LRBA: variants seen among roughly 807,000 people sequenced by gnomAD.
LRBA encodes LPS responsive beige-like anchor protein, also known as lipopolysaccharide-responsive and beige-like anchor protein.
LRBA carries 176 observed loss-of-function variants against 330.0 expected under a neutral mutation model. That is an observed-to-expected ratio of 0.53 (90% CI 0.47 to 0.60). The LOEUF (loss-of-function observed/expected upper bound fraction) is 0.60, where lower values mean the gene tolerates loss of function less well. Ranked by LOEUF, LRBA falls within the 20% of genes least tolerant of loss-of-function variation. LRBA has a pLI of 0.00. For missense variants in LRBA, 3,259 were observed against 3,444.8 expected (o/e 0.95, Z 1.35); for synonymous variants, 1,230 against 1,193.0 (o/e 1.03, Z -0.64).
chr4:150,715,027 C>T (rs1786600941), intron 36 of LRBA, among the ~76,000 whole-genome samples: 1 of 152,152 alleles, frequency 6.6e-6, no homozygotes, highest in African/African-American at 2.4e-5. Flanking sequence ...TTTAGACAAA[C>T]AGTCTCATTT....
intron 37 of LRBA, among the ~76,000 whole-genome samples, chr4:150,602,004 A>T (rs1267248018): frequency 7.0e-6 from 1 of 142,004 alleles, no homozygotes; most frequent in Non-Finnish European, 1.5e-5. Flanking sequence ...TCTATCAATA[A>T]TTTTTTTAAA....
At chr4:151,007,168 G>C (rs866398081) in intron 2 of LRBA, among the ~76,000 whole-genome samples, 1 of 152,200 alleles carries the variant, frequency 6.6e-6, no homozygotes, top group Non-Finnish European at 1.5e-5. Flanking sequence ...TTTGACAAAA[G>C]TGCCAAGGTA....
rs147953109 is a variant in LRBA at position 151,010,683 on chromosome 4, A to C, written c.216+3744T>G. 6.6e-3 allele frequency among the ~76,000 whole-genome samples: 998 copies of C among 152,092 alleles called. 42 individuals are homozygous for C. Among genetic ancestry groups the C allele is most frequent in the Admixed American group, 0.06 (909 of 15,246 alleles). ...GATCACCTGAGGTCGGGAGTTCAAG[A>C]CCAGCCTGGCCAACATGGTGAAACC... On this transcript the variant is annotated intron_variant, in intron 2 of 56. Transcript: ENST00000651943.
Position 150,269,996 on chromosome 4 carries a change from G to C in LRBA, c.8469-4184C>G, listed in dbSNP as rs753719423. Among the ~76,000 whole-genome samples the C allele has an allele frequency of 2.0e-5, 3 of 152,208 alleles. 1 individual carries two copies. The highest frequency in any genetic ancestry group is 7.2e-5 in the African/African-American group (3 of 41,446). On this transcript the variant is annotated intron_variant, in intron 56 of 56. Coordinates refer to ENST00000651943, the MANE Select transcript of LRBA (RefSeq NM_001364905.1). ...TGAGCATCTAAGGATATTAGGAAGA[G>C]AGTGAAAAGACAACATCACTGATCA...
At chr4:150,722,275 G>A (rs1729039815) in intron 36 of LRBA, among the ~76,000 whole-genome samples, 1 of 152,100 alleles carries the variant, frequency 6.6e-6, no homozygotes. Context: ...CTTAAACATG[G>A]AAGAACTTTA....
intron 47 of LRBA, among the ~76,000 whole-genome samples, chr4:150,405,831 G>C (rs1746120277): frequency 6.6e-6 from 1 of 152,114 alleles, no homozygotes; most frequent in Non-Finnish European, 1.5e-5. Context: ...AAGATAAGAG[G>C]ATTGCTTGAG....
At position 150,349,980 on chromosome 4, in the gene LRBA, C is replaced by G. The variant is rs117525443; in HGVS notation, c.7362+12G>C. On this transcript the variant is annotated intron_variant, in intron 48 of 56. Coordinates refer to ENST00000651943, the MANE Select transcript of LRBA (RefSeq NM_001364905.1). Reference sequence around the variant, plus strand: ...CTGACTATAAGTTGCTTTCTCAATTCAGATAACTTACCTCTCTCAACACAG... The same window carrying G: ...CTGACTATAAGTTGCTTTCTCAATTGAGATAACTTACCTCTCTCAACACAG... The G allele has an allele frequency of 1.7e-5, 28 of 1,612,240 alleles. No individual in the cohort carries two copies. The East Asian group carries it at 6.3e-4, about 36-fold the overall frequency.
intron 40 of LRBA, among the ~76,000 whole-genome samples, chr4:150,571,651 T>TTA (rs1246933407): frequency 8.9e-6 from 1 of 112,766 alleles, no homozygotes; most frequent in Admixed American, 8.1e-5. Context: ...GGTTAGTTGT[T>TTA]TTTTTTTTTT....
chr4:150,348,743 G>A (rs1043120634), intron 48 of LRBA, among the ~76,000 whole-genome samples: 5 of 152,046 alleles, frequency 3.3e-5, no homozygotes, highest in Non-Finnish European at 5.9e-5. Flanking sequence ...AAAGTATTAC[G>A]TTCAAATATT....
intron 17 of LRBA, among the ~76,000 whole-genome samples, chr4:150,877,541 G>A (rs1427566443): frequency 1.3e-5 from 2 of 152,142 alleles, no homozygotes; most frequent in South Asian, 2.1e-4. Context: ...CAACGACTAC[G>A]AGACGTAGGA....
In LRBA at chr4:150,811,448, T is replaced by C. The variant is rs571111249; in HGVS notation, c.5306-3050A>G. 5.3e-5 allele frequency among the ~76,000 whole-genome samples: 8 copies of C among 150,000 alleles called. No homozygotes were observed. In the East Asian group the frequency reaches 1.6e-3, roughly 29 times the overall value. ...TTAGGAAAAAAAAAAAAAGGGGGTG[T>C]GCATGAGGCTTTAGGCAAAATTAGT... On this transcript the variant is annotated intron_variant, in intron 31 of 56. Transcript: ENST00000651943.
intron 4 of LRBA, among the ~76,000 whole-genome samples, chr4:150,924,302 AG>A (rs1225160990): frequency 6.6e-6 from 1 of 152,152 alleles, no homozygotes; most frequent in East Asian, 1.9e-4. Flanking sequence ...GCTTGAGCCT[AG>A]GGGTTTGAGA....
intron 4 of LRBA, among the ~76,000 whole-genome samples, chr4:150,926,769 C>T (rs758103699): frequency 6.6e-6 from 1 of 152,068 alleles, no homozygotes; most frequent in Non-Finnish European, 1.5e-5. Context: ...TTTAAAAGAA[C>T]CAAATAGAAT....
At chr4:150,887,078 A>G (rs1340235750) in intron 17 of LRBA, among the ~76,000 whole-genome samples, 17 of 152,258 alleles carry the variant, frequency 1.1e-4, no homozygotes, top group Admixed American at 1.1e-3. Flanking sequence ...GTATTAATAT[A>G]TCACAATATT....
At chr4:150,689,207 G>C (rs2126943054) in intron 36 of LRBA, among the ~76,000 whole-genome samples, 1 of 152,270 alleles carries the variant, frequency 6.6e-6, no homozygotes, top group East Asian at 1.9e-4. Context: ...ACTAACACCA[G>C]AACAGAAAAC....
intron 37 of LRBA, among the ~76,000 whole-genome samples, chr4:150,672,060 C>T (rs1162340351): frequency 6.6e-6 from 1 of 152,156 alleles, no homozygotes; most frequent in Non-Finnish European, 1.5e-5. Flanking sequence ...TCTAGGAATG[C>T]TCATTTTGTT....
intron 2 of LRBA, among the ~76,000 whole-genome samples, chr4:150,932,733 T>C (rs945678277): frequency 6.6e-6 from 1 of 151,908 alleles, no homozygotes; most frequent in Non-Finnish European, 1.5e-5. Context: ...CAAGGCAACA[T>C]AGCAAAATCC....
intron 28 of LRBA, among the ~76,000 whole-genome samples, chr4:150,832,422 C>G (rs1747341810): frequency 6.6e-6 from 1 of 152,010 alleles, no homozygotes; most frequent in Non-Finnish European, 1.5e-5. Flanking sequence ...ATAGTGAAAC[C>G]CCATCTCTAC....
chr4:150,468,488 T>G (rs530377824), intron 43 of LRBA, among the ~76,000 whole-genome samples: 2 of 151,966 alleles, frequency 1.3e-5, no homozygotes, highest in Non-Finnish European at 2.9e-5. Flanking sequence ...AAAGAGGAGG[T>G]AGTCCTTCTA....
Sources: allele counts gnomAD v4.1 joint callset (sites outside exome capture counted in the v4.1 genomes callset), GRCh38; gene constraint gnomAD v4.1.1; transcripts MANE v1.5; gene names NCBI Gene and HGNC (gene_info 2026-07-23, HGNC 2026-07-21).